The following EXOC4 variants were observed in gnomAD, a reference collection of about 807,000 sequenced individuals.
The protein encoded by EXOC4 is SEC8-like 1.
In EXOC4, 71 loss-of-function variants were observed where a neutral mutation model predicts 107.2. The ratio of observed to expected loss-of-function variants is 0.66; its 90% CI spans 0.55 to 0.81. EXOC4 has a LOEUF of 0.81. Ranked by LOEUF, EXOC4 falls within the 30% of genes least tolerant of loss-of-function variation. The probability of loss-of-function intolerance (pLI) is 0.00; values close to 1 mark genes in which losing one functional copy is unlikely to be tolerated. For synonymous variants in EXOC4, 456 were observed against 441.2 expected, an observed-to-expected ratio of 1.03 and a Z score of -0.42; for missense variants, 1,108 against 1,189.6, an observed-to-expected ratio of 0.93 and a Z score of 1.01.
intron 10 of EXOC4, among the ~76,000 whole-genome samples, chr7:133,681,324 T>C (rs1794182272): frequency 2.6e-5 from 4 of 152,122 alleles, no homozygotes; most frequent in Admixed American, 2.6e-4. Flanking sequence ...TAAAGCAAAG[T>C]AAAGGGCATT....
chr7:133,650,937 GTTTTTTTT>G lies in EXOC4; in HGVS notation c.1514+20814_1514+20821del, dbSNP rs200499348. 2.0e-3 allele frequency among the ~76,000 whole-genome samples: 181 copies of G among 88,682 alleles called. 1 individual carries two copies. Among genetic ancestry groups the G allele is most frequent in the South Asian group, 0.015 (32 of 2,076 alleles). The allele number at this position is 88,682 out of a possible 152,430, so 58.2% of individuals were successfully genotyped here. A position where few individuals can be genotyped will look rare whatever the true frequency, so the allele number is the denominator to read the frequency against. Reference sequence around the variant, plus strand: ...TCTTAGTACATACTGAGATTGGTCAGTTTTTTTTTTTTTTTTTTTTTTTTTGGAATGGG... The same window carrying G: ...TCTTAGTACATACTGAGATTGGTCAGTTTTTTTTTTTTTTTTTGGAATGGG... On this transcript the variant is annotated intron_variant, in intron 10 of 17. Coordinates refer to ENST00000253861, the MANE Select transcript of EXOC4 (RefSeq NM_021807.4).
At chr7:134,015,123 T>G (rs1794871357) in intron 17 of EXOC4, among the ~76,000 whole-genome samples, 1 of 152,218 alleles carries the variant, frequency 6.6e-6, no homozygotes. Flanking sequence ...TCATCAGGCC[T>G]GAAGTCAGGG....
chr7:133,828,935 G>T (rs1042286967), intron 11 of EXOC4, among the ~76,000 whole-genome samples: 1 of 152,118 alleles, frequency 6.6e-6, no homozygotes, highest in Non-Finnish European at 1.5e-5. Flanking sequence ...AACAGTAAAG[G>T]ACACTTTATA....
chr7:134,016,746 C>T (rs1794916650), intron 17 of EXOC4, among the ~76,000 whole-genome samples: 1 of 152,168 alleles, frequency 6.6e-6, no homozygotes, highest in African/African-American at 2.4e-5. Flanking sequence ...AATTTATTTC[C>T]TACAAACCTG....
chr7:133,547,526 A>G (rs762224782), intron 9 of EXOC4, among the ~76,000 whole-genome samples: 32 of 152,142 alleles, frequency 2.1e-4, no homozygotes, highest in Non-Finnish European at 3.4e-4. Context: ...ATGCTGTTTG[A>G]TAGCATTTTA....
At chr7:133,917,082 A>G (rs1160971305) in intron 12 of EXOC4, among the ~76,000 whole-genome samples, 1 of 152,124 alleles carries the variant, frequency 6.6e-6, no homozygotes, top group Non-Finnish European at 1.5e-5. Flanking sequence ...ATGATGGTAT[A>G]TTGGCTGTGA....
intron 11 of EXOC4, among the ~76,000 whole-genome samples, chr7:133,832,219 C>G (rs973362448): frequency 6.6e-6 from 1 of 152,100 alleles, no homozygotes; most frequent in Non-Finnish European, 1.5e-5. Flanking sequence ...CTCCCTACAC[C>G]CTTCAAAGAC....
At chr7:133,994,304 T>C (rs1179255202) in intron 14 of EXOC4, among the ~76,000 whole-genome samples, 2 of 152,200 alleles carry the variant, frequency 1.3e-5, no homozygotes, top group African/African-American at 2.4e-5. Flanking sequence ...TCATTCTTTT[T>C]TATGGCTGCA....
At chr7:133,673,076 C>T (rs993399562) in intron 10 of EXOC4, among the ~76,000 whole-genome samples, 2 of 152,280 alleles carry the variant, frequency 1.3e-5, no homozygotes, top group African/African-American at 2.4e-5. Context: ...ATCACCCCTC[C>T]CCAGTTCTTC....
intron 7 of EXOC4, among the ~76,000 whole-genome samples, chr7:133,422,654 C>G (rs1797632507): frequency 2.0e-5 from 3 of 151,958 alleles, no homozygotes; most frequent in Admixed American, 2.0e-4. Flanking sequence ...GCTCATGGAG[C>G]TCTTCAAAAT....
At chr7:133,331,128 A>C (rs565541851) in intron 5 of EXOC4, among the ~76,000 whole-genome samples, 4 of 152,322 alleles carry the variant, frequency 2.6e-5, no homozygotes, top group Admixed American at 2.6e-4. Flanking sequence ...AAGTCAAGGC[A>C]CAGGTTGGCA....
At chr7:133,582,178 C>A (rs927521187) in intron 9 of EXOC4, among the ~76,000 whole-genome samples, 15 of 152,110 alleles carry the variant, frequency 9.9e-5, no homozygotes, top group African/African-American at 3.6e-4. Flanking sequence ...TTCTTTTTGT[C>A]CACATGTACT....
chr7:133,337,974 G>A (rs1341876872), intron 5 of EXOC4, among the ~76,000 whole-genome samples: 2 of 149,720 alleles, frequency 1.3e-5, no homozygotes, highest in African/African-American at 2.4e-5. Context: ...CTTTGTGAAA[G>A]TAGCTAGCAG....
chr7:133,689,316 G>GA (rs372493729), intron 10 of EXOC4, among the ~76,000 whole-genome samples: 12 of 150,866 alleles, frequency 8.0e-5, no homozygotes, highest in African/African-American at 1.7e-4. Flanking sequence ...AATTGTTAAA[G>GA]AAAAAAAAAT....
chr7:133,787,116 C>T (rs188767514), intron 10 of EXOC4, among the ~76,000 whole-genome samples: 5 of 151,110 alleles, frequency 3.3e-5, no homozygotes, highest in African/African-American at 9.7e-5. Flanking sequence ...ATTTATTGAG[C>T]ATTTTCTGTA....
chr7:133,861,182 G>T (rs1279986692), intron 11 of EXOC4, among the ~76,000 whole-genome samples: 1 of 152,148 alleles, frequency 6.6e-6, no homozygotes, highest in Admixed American at 6.6e-5. Context: ...TCATAGAAGA[G>T]AACCCCAAAG....
intron 17 of EXOC4, among the ~76,000 whole-genome samples, chr7:134,010,761 A>G (rs1397484152): frequency 6.6e-6 from 1 of 152,238 alleles, no homozygotes; most frequent in Non-Finnish European, 1.5e-5. Context: ...TTTAACAAGA[A>G]GTTGCAAAGT....
chr7:133,824,260 T>C (rs1278750225), intron 11 of EXOC4, among the ~76,000 whole-genome samples: 2 of 151,936 alleles, frequency 1.3e-5, no homozygotes, highest in Admixed American at 6.6e-5. Flanking sequence ...ACTGCTTTGA[T>C]GTGTTACCTG....
intron 11 of EXOC4, among the ~76,000 whole-genome samples, chr7:133,845,128 A>G (rs999868429): frequency 6.6e-6 from 1 of 152,068 alleles, no homozygotes; most frequent in Non-Finnish European, 1.5e-5. Context: ...ACTATTGCCT[A>G]TTTAGAAAGA....
Sources: allele counts gnomAD v4.1 joint callset (sites outside exome capture counted in the v4.1 genomes callset), GRCh38; gene constraint gnomAD v4.1.1; transcripts MANE v1.5; gene names NCBI Gene and HGNC (gene_info 2026-07-23, HGNC 2026-07-21).